The following CALR variants were observed in gnomAD, a reference collection of about 807,000 sequenced individuals.
The protein encoded by CALR is calreticulin.
A neutral mutation model predicts 51.1 loss-of-function variants in CALR; 15 were observed. The ratio of observed to expected loss-of-function variants is 0.29; its 90% confidence interval spans 0.20 to 0.45. The LOEUF is 0.45. Among genes scored for constraint, CALR ranks in the 20% least tolerant of loss-of-function variants. CALR has a pLI of 1.00. For synonymous variants in CALR, 239 were observed against 205.9 expected (o/e 1.16, Z -1.38); for missense variants, 477 against 530.6 (o/e 0.90, Z 0.99).
At chr19:12,941,466 ATTTTTT>A (rs61272402) in intron 7 of CALR, among the ~76,000 whole-genome samples, 18 of 87,034 alleles carry the variant, frequency 2.1e-4, no homozygotes, top group Admixed American at 1.9e-3. Context: ...TGCCAGGCTA[ATTTTTT>A]TTTTTTTTTT....
intron 7 of CALR, 31 bp downstream of exon 7, chr19:12,940,918 G>A: frequency 6.2e-7 from 1 of 1,611,346 alleles, no homozygotes; most frequent in Non-Finnish European, 8.5e-7. Context: ...GAGGATCCCT[G>A]GGGTACCTCA....
Position 12,938,783 on chromosome 19 carries a change from C to A in CALR, c.91+13C>A. On this transcript the variant is annotated intron_variant, in intron 1 of 8. Transcript: ENST00000316448. ...TTTCTGGACGGAGGTAACGCCTGGT[C>A]CCGCCTCGAGGCCGCCCCGACGACG... 1 of 1,594,284 alleles carries A rather than the reference C, an allele frequency of 6.3e-7. No individual in the cohort carries two copies.
In CALR at chr19:12,938,620, A is replaced by G. The variant is rs41300080; in HGVS notation, c.-60A>G. The G allele has an allele frequency of 7.9e-4, 1,061 of 1,340,126 alleles. 2 individuals carry two copies. Among genetic ancestry groups the G allele is most frequent in the Non-Finnish European group, 9.5e-4 (903 of 953,988 alleles). 83.0% of individuals were successfully genotyped at this position (1,340,126 alleles called of 1,614,324 possible). A position where few individuals can be genotyped will look rare whatever the true frequency, so the allele number is the denominator to read the frequency against. ...GGGCGGCGGCGTCCGTCCGTACTGCAGAGCCGCTGCCGGAGGGTCGTTTTA... is the reference window on the plus strand; with the variant it reads ...GGGCGGCGGCGTCCGTCCGTACTGCGGAGCCGCTGCCGGAGGGTCGTTTTA... On this transcript the variant is annotated 5_prime_UTR_variant, in exon 1 of 9. Coordinates refer to ENST00000316448, the MANE Select transcript of CALR (RefSeq NM_004343.4).
At chr19:12,941,970 G>C (rs1010003300) in intron 7 of CALR, among the ~76,000 whole-genome samples, 2 of 152,108 alleles carry the variant, frequency 1.3e-5, no homozygotes, top group African/African-American at 2.4e-5. Flanking sequence ...CAAGGAAGAA[G>C]GATGATCACT....
At chr19:12,941,522 A>G (rs566965018) in intron 7 of CALR, among the ~76,000 whole-genome samples, 1 of 133,644 alleles carries the variant, frequency 7.5e-6, no homozygotes, top group Non-Finnish European at 1.5e-5. Flanking sequence ...CCCAGGCTGG[A>G]GTGCAGTGGT....
intron 7 of CALR, 43 bp from the exon 8 acceptor site, chr19:12,943,494 T>TA (rs749080334): frequency 6.4e-7 from 1 of 1,561,356 alleles, no homozygotes; most frequent in Non-Finnish European, 8.8e-7. Context: ...AAGCAAGGGC[T>TA]ATCGGGTATC....
intron 7 of CALR, among the ~76,000 whole-genome samples, chr19:12,942,131 G>A (rs1480774169): frequency 2.6e-5 from 4 of 151,976 alleles, no homozygotes; most frequent in East Asian, 3.9e-4. Context: ...AGGCCAAGGC[G>A]GGTGGATCAC....
chr19:12,943,688 C>T, intron 8 of CALR, 25 bp from the exon 9 acceptor site: 1 of 1,613,984 alleles, frequency 6.2e-7, no homozygotes, highest in Non-Finnish European at 8.5e-7. Flanking sequence ...GGGGCAAGGC[C>T]CTGAGGTGTG....
In CALR at chr19:12,939,527, A is replaced by G; in HGVS notation, c.293A>G (p.Lys98Arg). 2 of 1,613,732 alleles carry G rather than the reference A, an allele frequency of 1.2e-6. No individual in the cohort carries two copies. The highest frequency in any genetic ancestry group is 2.2e-5 in the South Asian group (2 of 91,062). ...GQTLVVQFTV[K>R]HEQNIDCGGG... is the part of the protein sequence containing the mutation. The stretch of plus-strand genomic sequence containing the variant: ...ACGCTGGTGGTGCAGTTCACGGTGA[A>G]ACATGAGCAGAACATCGACTGTGGG... The change falls in exon 3 of 9, where the codon AAA becomes AGA. Residue 98 changes from lysine (K) to arginine (R), a missense_variant. Physicochemically the swap from Lys to Arg is conservative, Grantham distance 26 (BLOSUM62 2). Transcript: ENST00000316448.
chr19:12,939,615 A>T lies in CALR; in HGVS notation c.381A>T (p.Glu127Asp), dbSNP rs375318260. 20 of 1,613,886 alleles carry T rather than the reference A, an allele frequency of 1.2e-5. No homozygotes were observed. The African/African-American group carries it at 2.4e-4, about 19-fold the overall frequency. The change falls in exon 3 of 9, where the codon GAA (glutamate) becomes GAT (aspartate). Residue 127 changes from glutamate (E) to aspartate (D), a missense_variant. Glu to Asp is a conservative substitution (Grantham distance 45). Transcript: ENST00000316448. Reference sequence around the variant, plus strand: ...AGACAGACATGCACGGAGACTCAGAATACAACATCATGTTTGGTGAGGGCC... The same window carrying T: ...AGACAGACATGCACGGAGACTCAGATTACAACATCATGTTTGGTGAGGGCC... The part of the protein sequence containing the change: ...LDQTDMHGDS[E>D]YNIMFGPDIC...
In CALR at chr19:12,940,208, G is replaced by T. The variant is rs368436434; in HGVS notation, c.493-35G>T. 31 of 1,611,900 alleles carry T rather than the reference G, an allele frequency of 1.9e-5. No individual in the cohort carries two copies. The African/African-American group carries it at 4.0e-4, about 21-fold the overall frequency. ...GGAGATTCAGAGGTCAGCCTCATTG[G>T]GGGGTGGCCCCCGCTCACCTTCTTC... On this transcript the variant is annotated intron_variant, in intron 4 of 8. Coordinates refer to ENST00000316448, the MANE Select transcript of CALR (RefSeq NM_004343.4).
chr19:12,939,562 G>A lies in CALR; in HGVS notation c.328G>A (p.Val110Met), dbSNP rs773681781. The change falls in exon 3 of 9, where the codon GTG (valine) becomes ATG (methionine). Residue 110 changes from valine (V) to methionine (M), a missense_variant. Physicochemically the swap from Val to Met is conservative, Grantham distance 21. Transcript: ENST00000316448. ...GAACATCGACTGTGGGGGCGGCTAT[G>A]TGAAGCTGTTTCCTAATAGTTTGGA... ...EQNIDCGGGY[V>M]KLFPNSLDQT... is the part of the protein sequence containing the mutation. 3 of 1,614,112 alleles carry A rather than the reference G, an allele frequency of 1.9e-6. No individual in the cohort carries two copies. In the South Asian group the frequency reaches 3.3e-5, roughly 18 times the overall value.
Position 12,943,355 on chromosome 19 carries a change from C to T in CALR, c.961-182C>T, listed in dbSNP as rs1030291576. ...CACCTTGGCCTCTGGGCGAGGATTA[C>T]AGGCGTGATCCACCTCACCTGGCCT... On this transcript the variant is annotated intron_variant, in intron 7 of 8. Coordinates refer to ENST00000316448, the MANE Select transcript of CALR (RefSeq NM_004343.4). 22 of 659,638 alleles carry T rather than the reference C, an allele frequency of 3.3e-5. 1 individual carries two copies. Among genetic ancestry groups the T allele is most frequent in the South Asian group, 1.7e-4 (10 of 58,398 alleles). 40.9% of individuals were successfully genotyped at this position (659,638 alleles called of 1,614,324 possible). A position where few individuals can be genotyped will look rare whatever the true frequency, so the allele number is the denominator to read the frequency against.
In CALR at chr19:12,939,419, C is replaced by A; in HGVS notation, c.194-9C>A. On this transcript the variant is annotated splice_polypyrimidine_tract_variant and intron_variant, in intron 2 of 8. Transcript: ENST00000316448. ...GCCCAACGGTGACCTCACTACCGTC[C>A]CGTCTCAGGTTTGCAGACAAGCCAG... 2 of 1,612,190 alleles carry A rather than the reference C, an allele frequency of 1.2e-6. No homozygotes were observed. The highest frequency in any genetic ancestry group is 1.7e-6 in the Non-Finnish European group (2 of 1,179,884).
At chr19:12,939,703 TTAA>T (rs1971519700) in intron 3 of CALR, 72 bp downstream of exon 3, 25 of 1,329,368 alleles carry the variant, frequency 1.9e-5, no homozygotes, top group South Asian at 2.3e-5. Context: ...ATTGACTTTC[TTAA>T]TAATGATTTT....
intron 1 of CALR, 32 bp downstream of exon 1, chr19:12,938,802 G>A (rs759562231): frequency 1.3e-6 from 2 of 1,517,008 alleles, no homozygotes; most frequent in Admixed American, 1.8e-5. Context: ...AGGCCGCCCC[G>A]ACGACGCGGC....
In CALR at chr19:12,943,596, G is replaced by A; in HGVS notation, c.1020G>A (p.Glu340=). The part of the protein sequence containing the change: ...FLITNDEAYA[E]EFGNETWGVT... ...TCACCAACGATGAGGCATACGCTGA[G>A]GAGTTTGGCAACGAGACGTGGGGCG... The change falls in exon 8 of 9, where the codon GAG becomes GAA. Residue 340 remains glutamate (E), a synonymous_variant. Coordinates refer to ENST00000316448, the MANE Select transcript of CALR (RefSeq NM_004343.4). 1 of 1,614,194 alleles carries A rather than the reference G, an allele frequency of 6.2e-7. No homozygotes were observed. Among genetic ancestry groups the A allele is most frequent in the South Asian group, 1.1e-5 (1 of 91,080 alleles).
intron 7 of CALR, chr19:12,943,124 A>G (rs1412272809): frequency 1.5e-4 from 18 of 122,714 alleles, no homozygotes; most frequent in Non-Finnish European, 2.3e-4. Flanking sequence ...TCACTCTGTC[A>G]CCCAGGCTGG....
intron 7 of CALR, among the ~76,000 whole-genome samples, chr19:12,942,269 A>G (rs1349750327): frequency 6.6e-6 from 1 of 151,818 alleles, no homozygotes; most frequent in Non-Finnish European, 1.5e-5. Flanking sequence ...AGGCTGAGGC[A>G]AAAGGATGAC....
Sources: gnomAD v4.1 joint callset for allele counts (sites outside exome capture counted in the v4.1 genomes callset) on GRCh38, gnomAD v4.1.1 for gene constraint, MANE v1.5 for transcripts, NCBI Gene and HGNC (gene_info 2026-07-23, HGNC 2026-07-21) for gene names.